EYS: variants seen among roughly 807,000 people sequenced by gnomAD.
EYS encodes EGF-like photoreceptor maintenance factor, also known as protein eyes shut homolog.
EYS carries 250 observed loss-of-function variants against 282.1 expected under a neutral mutation model. The ratio of observed to expected loss-of-function variants is 0.89; its 90% CI spans 0.80 to 0.98. EYS has a LOEUF of 0.98. Ranked by LOEUF, EYS falls within the 50% of genes least tolerant of loss-of-function variation. The pLI, the probability that EYS is intolerant of heterozygous loss-of-function variation, is 0.00. For missense variants in EYS, 4,016 were observed against 3,709.0 expected, an observed-to-expected ratio of 1.08 and a Z score of -2.15; for synonymous variants, 1,355 against 1,282.9, an observed-to-expected ratio of 1.06 and a Z score of -1.20.
intron 15 of EYS, among the ~76,000 whole-genome samples, chr6:64,927,805 C>T (rs1453853073): frequency 6.6e-6 from 1 of 151,400 alleles, no homozygotes; most frequent in Non-Finnish European, 1.5e-5. Flanking sequence ...CTATGAAACC[C>T]CTTTATTAAG....
chr6:65,365,070 C>T (rs1332420736), intron 8 of EYS, among the ~76,000 whole-genome samples: 4 of 151,582 alleles, frequency 2.6e-5, no homozygotes, highest in Admixed American at 1.3e-4. Context: ...TGAAGAGCAG[C>T]TGGAAAAATA....
intron 22 of EYS, among the ~76,000 whole-genome samples, chr6:64,724,825 A>G (rs916636593): frequency 6.6e-6 from 1 of 152,204 alleles, no homozygotes; most frequent in African/African-American, 2.4e-5. Context: ...CTAATAATAC[A>G]AGTAATATAC....
intron 18 of EYS, among the ~76,000 whole-genome samples, chr6:64,887,481 C>T (rs147887714): frequency 2.0e-5 from 3 of 152,082 alleles, no homozygotes; most frequent in African/African-American, 4.8e-5. Context: ...AGATATTAAA[C>T]TGATCGAAAC....
At chr6:63,750,192 A>G (rs966884877) in intron 41 of EYS, among the ~76,000 whole-genome samples, 2 of 152,142 alleles carry the variant, frequency 1.3e-5, no homozygotes, top group Admixed American at 6.6e-5. Context: ...TCTTTTTAAC[A>G]TATTGAGATC....
chr6:64,540,475 A>ATT (rs397888030), intron 26 of EYS, among the ~76,000 whole-genome samples: 232 of 83,496 alleles, frequency 2.8e-3, no homozygotes, highest in African/African-American at 3.2e-3. Context: ...CCAAGTACAG[A>ATT]TTTTTTTTTT....
chr6:64,773,773 T>C (rs1773595796), intron 22 of EYS, among the ~76,000 whole-genome samples: 1 of 152,040 alleles, frequency 6.6e-6, no homozygotes, highest in Admixed American at 6.6e-5. Flanking sequence ...CTGTATGTCA[T>C]CTTTTGAAAA....
At chr6:64,089,783 A>G (rs1388937240) in intron 31 of EYS, among the ~76,000 whole-genome samples, 2 of 152,060 alleles carry the variant, frequency 1.3e-5, no homozygotes, top group Non-Finnish European at 2.9e-5. Flanking sequence ...TTTCCCCCAC[A>G]GAAGAGAACT....
chr6:65,674,019 T>C (rs1224814450), intron 1 of EYS, among the ~76,000 whole-genome samples: 1 of 151,918 alleles, frequency 6.6e-6, no homozygotes, highest in Non-Finnish European at 1.5e-5. Context: ...AGAATAAAAT[T>C]ATATAATTAA....
At chr6:65,055,718 T>A (rs994786743) in intron 13 of EYS, among the ~76,000 whole-genome samples, 3 of 152,086 alleles carry the variant, frequency 2.0e-5, no homozygotes, top group Admixed American at 6.6e-5. Context: ...ATTTGTCTGA[T>A]AATTTTTTGA....
At chr6:64,395,658 A>C (rs1426648074) in intron 28 of EYS, among the ~76,000 whole-genome samples, 5 of 151,602 alleles carry the variant, frequency 3.3e-5, no homozygotes, top group Non-Finnish European at 7.4e-5. Flanking sequence ...GGGGAGGGAT[A>C]GCATTGGCAG....
intron 12 of EYS, 145 bp downstream of exon 12, chr6:65,295,716 ATT>A (rs34666704): frequency 9.7e-3 from 5,563 of 575,096 alleles, no homozygotes; most frequent in South Asian, 0.011. Flanking sequence ...AAGTGAATGC[ATT>A]TTTTTTTTTA....
At chr6:64,012,653 G>A (rs558935797) in intron 33 of EYS, among the ~76,000 whole-genome samples, 1 of 152,148 alleles carries the variant, frequency 6.6e-6, no homozygotes, top group Non-Finnish European at 1.5e-5. Context: ...TGATTGTCAT[G>A]GCTGGGTAAG....
At chr6:64,889,252 A>G (rs1437220828) in intron 18 of EYS, among the ~76,000 whole-genome samples, 1 of 151,924 alleles carries the variant, frequency 6.6e-6, no homozygotes, top group Non-Finnish European at 1.5e-5. Flanking sequence ...GGTGATTTTC[A>G]TTATCTTAAA....
chr6:64,164,927 C>G (rs1764235940), intron 31 of EYS, among the ~76,000 whole-genome samples: 1 of 152,070 alleles, frequency 6.6e-6, no homozygotes, highest in Non-Finnish European at 1.5e-5. Context: ...TGATTTGGAT[C>G]TTTGACTTTT....
chr6:64,522,458 TC>T (rs1777774276), intron 26 of EYS, among the ~76,000 whole-genome samples: 1 of 151,676 alleles, frequency 6.6e-6, no homozygotes, highest in South Asian at 2.1e-4. Flanking sequence ...CCAACCTGCA[TC>T]CAGAGTAAGT....
chr6:65,461,746 A>G (rs1263518114), intron 5 of EYS, among the ~76,000 whole-genome samples: 2 of 152,124 alleles, frequency 1.3e-5, no homozygotes, highest in Non-Finnish European at 2.9e-5. Flanking sequence ...GCTGCTTGCT[A>G]CACAATTATT....
chr6:64,134,228 G>A (rs1774085154), intron 31 of EYS, among the ~76,000 whole-genome samples: 1 of 151,988 alleles, frequency 6.6e-6, no homozygotes, highest in Non-Finnish European at 1.5e-5. Context: ...GCCAAGGAAT[G>A]ATAAGAGCTA....
At chr6:64,189,700 A>G (rs1765047231) in intron 31 of EYS, among the ~76,000 whole-genome samples, 1 of 152,166 alleles carries the variant, frequency 6.6e-6, no homozygotes, top group East Asian at 1.9e-4. Context: ...TTTTCTGGAA[A>G]AAAAAAATTC....
intron 30 of EYS, among the ~76,000 whole-genome samples, chr6:64,255,990 G>T (rs146300479): frequency 2.0e-5 from 3 of 151,754 alleles, no homozygotes; most frequent in Non-Finnish European, 4.4e-5. Context: ...TTCCATGTGC[G>T]ACTGTAAGAG....
Sources: allele counts gnomAD v4.1 joint callset (sites outside exome capture counted in the v4.1 genomes callset), GRCh38; gene constraint gnomAD v4.1.1; transcripts MANE v1.5; gene names NCBI Gene and HGNC (gene_info 2026-07-23, HGNC 2026-07-21).